Variants in MACF1 observed in about 807,000 individuals in gnomAD.
MACF1 encodes the protein microtubule actin crosslinking factor 1.
A neutral mutation model predicts 854.8 loss-of-function variants in MACF1; 193 were observed. The observed-to-expected ratio is 0.23, with a 90% CI of 0.20 to 0.25. The LOEUF is 0.25. Ranked by LOEUF, MACF1 falls within the 10% of genes least tolerant of loss-of-function variation. The pLI, the probability that MACF1 is intolerant of heterozygous loss-of-function variation, is 1.00. For missense variants in MACF1, 7,722 were observed against 8,929.1 expected (o/e 0.86, Z 5.45); for synonymous variants, 3,185 against 3,226.7 (o/e 0.99, Z 0.44).
intron 44 of MACF1, among the ~76,000 whole-genome samples, chr1:39,355,351 G>C (rs1031478272): frequency 2.0e-5 from 3 of 151,740 alleles, no homozygotes; most frequent in African/African-American, 7.3e-5. Flanking sequence ...TGGAAGGTGA[G>C]AATGAAGGAC....
At chr1:39,313,478 A>ATG (rs1259337324) in intron 26 of MACF1, among the ~76,000 whole-genome samples, 1 of 152,142 alleles carries the variant, frequency 6.6e-6, no homozygotes, top group East Asian at 1.9e-4. Context: ...CATAAAAAAC[A>ATG]TGTACATTCT....
At chr1:39,298,755 C>T (rs557857770) in intron 21 of MACF1, 73 of 381,080 alleles carry the variant, frequency 1.9e-4, no homozygotes, top group African/African-American at 1.4e-3. Flanking sequence ...CCTGACTTTT[C>T]AGATGTTGTC....
chr1:39,233,661 T>G (rs1419191078), intron 2 of MACF1, among the ~76,000 whole-genome samples: 1 of 151,984 alleles, frequency 6.6e-6, no homozygotes, highest in Non-Finnish European at 1.5e-5. Flanking sequence ...ATTTTAACAC[T>G]GCAAGATCTG....
At chr1:39,111,062 G>A (rs1184206931) in intron 2 of MACF1, among the ~76,000 whole-genome samples, 1 of 152,180 alleles carries the variant, frequency 6.6e-6, no homozygotes, top group Admixed American at 6.5e-5. Context: ...GAGCCATGTT[G>A]TGACTAGGTT....
chr1:39,263,398 T>A (rs1386959205), intron 6 of MACF1, among the ~76,000 whole-genome samples: 2 of 152,236 alleles, frequency 1.3e-5, no homozygotes, highest in Non-Finnish European at 2.9e-5. Context: ...TGGTAGATGT[T>A]CTTTTTAATT....
chr1:39,340,918 G>A lies in MACF1; in HGVS notation c.10546G>A (p.Val3516Ile), dbSNP rs1375221245. 1 of 1,613,146 alleles carries A rather than the reference G, an allele frequency of 6.2e-7. No homozygotes were observed. Among genetic ancestry groups the A allele is most frequent in the Non-Finnish European group, 8.5e-7 (1 of 1,179,576 alleles). ...CAAGGGATCTAACAGTGAAATAGAT[G>A]TTGACAGCCTGAACCTCTGCCTCCA... ...NSKGSNSEID[V>I]DSLNLCLQQY... The change falls in exon 40 of 101, where the codon GTT becomes ATT. Residue 3516 changes from valine (V) to isoleucine (I), a missense_variant. This residue lies in a region of MACF1 where 854 missense variants were observed against 852.6 expected (regional missense o/e 1.00). Coordinates refer to ENST00000564288, the MANE Select transcript of MACF1 (RefSeq NM_001394062.1).
At chr1:39,135,823 G>T (rs1282785529) in intron 2 of MACF1, among the ~76,000 whole-genome samples, 1 of 152,044 alleles carries the variant, frequency 6.6e-6, no homozygotes, top group Admixed American at 6.6e-5. Flanking sequence ...TGTCTATCTT[G>T]CTTCTCTCCC....
chr1:39,311,828 G>A (rs1421130090), intron 26 of MACF1, among the ~76,000 whole-genome samples: 1 of 152,144 alleles, frequency 6.6e-6, no homozygotes, highest in Non-Finnish European at 1.5e-5. Context: ...GTATGAGAGA[G>A]CTCTATGAAG....
rs1302111086 is a variant in MACF1, at chr1:39,422,372, A to G, written c.15817-2A>G. On this transcript the variant is annotated splice_acceptor_variant, in intron 58 of 100. Transcript: ENST00000564288. LOFTEE classifies it high-confidence loss of function. ...AATCTTCTTTGGCTTGTAATTATCT[A>G]GATGTTTCAGAAAGAACAAGTGGAT... 1.9e-6 allele frequency: 3 copies of G among 1,613,360 alleles called. No homozygotes were observed. Among genetic ancestry groups the G allele is most frequent in the Non-Finnish European group, 2.5e-6 (3 of 1,179,564 alleles).
At chr1:39,376,460 A>G (rs1377930657) in intron 52 of MACF1, among the ~76,000 whole-genome samples, 1 of 152,056 alleles carries the variant, frequency 6.6e-6, no homozygotes, top group Non-Finnish European at 1.5e-5. Context: ...CTTCCCAGTT[A>G]CCCCATGAGA....
chr1:39,409,127 A>G lies in MACF1; in HGVS notation c.15817-13247A>G, dbSNP rs1404235359. Among the ~76,000 whole-genome samples the G allele has an allele frequency of 6.7e-6, 1 of 149,770 alleles. No homozygotes were observed. The highest frequency in any genetic ancestry group is 1.5e-5 in the Non-Finnish European group (1 of 67,530). On this transcript the variant is annotated intron_variant, in intron 58 of 100. Coordinates refer to ENST00000564288, the MANE Select transcript of MACF1 (RefSeq NM_001394062.1). This position sits in a 1 kb window ranked among gnomAD's most constrained non-coding sequence, Gnocchi z 4.2. ...GGGTCGCGCTGCGCGGGGGAGGAGG[A>G]CTCGCCCCCCGCCCGACCCTAGCGG...
chr1:39,430,931 A>G (rs1442871610), intron 66 of MACF1, 23 bp downstream of exon 66: 1 of 1,591,066 alleles, frequency 6.3e-7, no homozygotes. Context: ...ATACCTCTGC[A>G]TTAATATTTT....
chr1:39,161,356 A>G (rs920334978), intron 2 of MACF1, among the ~76,000 whole-genome samples: 1 of 152,152 alleles, frequency 6.6e-6, no homozygotes, highest in African/African-American at 2.4e-5. Flanking sequence ...GTGGTTCACT[A>G]GCCTTTACTA....
chr1:39,465,027 A>C (rs1644634899), intron 94 of MACF1, 68 bp from the exon 95 acceptor site: 1 of 1,378,082 alleles, frequency 7.3e-7, no homozygotes, highest in South Asian at 1.2e-5. Context: ...CTTTAGTGTT[A>C]ATTTGACAAA....
intron 58 of MACF1, among the ~76,000 whole-genome samples, chr1:39,407,253 A>G (rs980767477): frequency 9.9e-5 from 15 of 152,138 alleles, no homozygotes; most frequent in African/African-American, 3.6e-4. Context: ...GCTTAAGGAG[A>G]TACCCAGAAC....
At chr1:39,367,952 A>G (rs1557613335) in intron 49 of MACF1, among the ~76,000 whole-genome samples, 196 bp from the exon 50 acceptor site, 1 of 150,972 alleles carries the variant, frequency 6.6e-6, no homozygotes, top group Non-Finnish European at 1.5e-5. Flanking sequence ...CCTGGATGAC[A>G]GGAGTAAAAC....
intron 2 of MACF1, among the ~76,000 whole-genome samples, chr1:39,139,017 A>C (rs990453890): frequency 6.6e-6 from 1 of 152,190 alleles, no homozygotes; most frequent in Non-Finnish European, 1.5e-5. Context: ...GAGGAATAAC[A>C]GTATCATTTT....
At chr1:39,318,023 G>A (rs546907530) in intron 29 of MACF1, among the ~76,000 whole-genome samples, 1 of 152,168 alleles carries the variant, frequency 6.6e-6, no homozygotes, top group South Asian at 2.1e-4. Context: ...AGGAAATAAT[G>A]ACTATTTTTC....
Position 39,292,005 on chromosome 1 carries a change from G to A in MACF1, c.1881G>A (p.Leu627=), listed in dbSNP as rs1645799494. ...QQHIHTSVEE[L]GSSVKEARLY... is the part of the protein sequence containing the mutation. ...ACATCCATACGAGTGTAGAAGAGCT[G>A]GGCTCAAGTGTCAAGGAGGCCAGGT... The change falls in exon 16 of 101, where the codon CTG becomes CTA. Residue 627 remains leucine, a synonymous_variant. Coordinates refer to ENST00000564288, the MANE Select transcript of MACF1 (RefSeq NM_001394062.1). 1.2e-6 allele frequency: 2 copies of A among 1,614,032 alleles called. No individual in the cohort carries two copies. The highest frequency in any genetic ancestry group is 1.7e-6 in the Non-Finnish European group (2 of 1,179,984).
Sources: allele counts gnomAD v4.1 joint callset (sites outside exome capture counted in the v4.1 genomes callset), GRCh38; gene constraint gnomAD v4.1.1; regional missense constraint gnomAD v4.1.1; non-coding constraint Gnocchi (gnomAD v3.1); transcripts MANE v1.5; gene names NCBI Gene and HGNC (gene_info 2026-07-23, HGNC 2026-07-21).